The following CCDC7 variants were observed in gnomAD, a reference collection of about 807,000 sequenced individuals.
CCDC7 encodes the protein coiled-coil domain-containing protein 7.
In CCDC7, 183 loss-of-function variants were observed where a neutral mutation model predicts 196.9. The ratio of observed to expected loss-of-function variants is 0.93; its 90% CI spans 0.82 to 1.05. The LOEUF is 1.05. Ranked by LOEUF, CCDC7 falls within the 50% of genes least tolerant of loss-of-function variation. The probability of loss-of-function intolerance (pLI) is 0.00; values close to 1 mark genes in which losing one functional copy is unlikely to be tolerated. For missense variants in CCDC7, 1,540 were observed against 1,482.2 expected, an observed-to-expected ratio of 1.04 and a Z score of -0.64; for synonymous variants, 525 against 484.6, an observed-to-expected ratio of 1.08 and a Z score of -1.10.
At chr10:32,778,579 G>A (rs1052373630) in intron 28 of CCDC7, among the ~76,000 whole-genome samples, 13 of 152,136 alleles carry the variant, frequency 8.5e-5, no homozygotes, top group African/African-American at 2.9e-4. Context: ...TTTGGTTACT[G>A]TAGCCCTGTA....
At position 32,678,904 on chromosome 10, in the gene CCDC7, T is replaced by C. The variant is rs1439215594; in HGVS notation, c.2123-7066T>C. Among the ~76,000 whole-genome samples the C allele has an allele frequency of 2.6e-5, 4 of 152,202 alleles. No homozygotes were observed. In the East Asian group the frequency reaches 7.7e-4, roughly 29 times the overall value. On this transcript the variant is annotated intron_variant, in intron 21 of 41. Transcript: ENST00000639629. The stretch of plus-strand genomic sequence containing the variant: ...AGGTCTCATAAAGGTAATTTTATCC[T>C]TGTCTGGTTGTTAAGTCTTCATTTT...
At chr10:32,512,137 C>G (rs2046314757) in intron 9 of CCDC7, 2 of 178,456 alleles carry the variant, frequency 1.1e-5, no homozygotes, top group African/African-American at 4.8e-5. Context: ...AAATTGAGAT[C>G]TCAATTAGAT....
intron 28 of CCDC7, among the ~76,000 whole-genome samples, chr10:32,734,362 G>A (rs951975221): frequency 6.6e-6 from 1 of 152,166 alleles, no homozygotes; most frequent in Non-Finnish European, 1.5e-5. Flanking sequence ...AATACTGCAT[G>A]TTCTCACTTA....
intron 31 of CCDC7, among the ~76,000 whole-genome samples, chr10:32,821,720 C>G (rs1008352421): frequency 2.0e-5 from 3 of 151,870 alleles, no homozygotes; most frequent in Non-Finnish European, 2.9e-5. Context: ...GCCAAAAAAC[C>G]AAACACCACA....
At chr10:32,492,495 A>C (rs559018673) in intron 9 of CCDC7, among the ~76,000 whole-genome samples, 1 of 152,230 alleles carries the variant, frequency 6.6e-6, no homozygotes, top group South Asian at 2.1e-4. Context: ...CATATAATGA[A>C]ATTATTATTG....
At chr10:32,519,152 C>T (rs184617410) in intron 11 of CCDC7, among the ~76,000 whole-genome samples, 1 of 152,182 alleles carries the variant, frequency 6.6e-6, no homozygotes, top group East Asian at 1.9e-4. Context: ...TAGTCTTACA[C>T]AGGTGTCAAA....
chr10:32,790,319 G>A (rs1428963700), intron 29 of CCDC7, among the ~76,000 whole-genome samples: 2 of 152,168 alleles, frequency 1.3e-5, no homozygotes, highest in East Asian at 1.9e-4. Context: ...TGAAATCTAG[G>A]TGGAGGAAGA....
intron 13 of CCDC7, among the ~76,000 whole-genome samples, chr10:32,551,197 A>G (rs1015344871): frequency 5.9e-5 from 9 of 152,102 alleles, no homozygotes; most frequent in African/African-American, 2.2e-4. Flanking sequence ...AAAAGTGTTC[A>G]TAGTAGCCTT....
intron 28 of CCDC7, among the ~76,000 whole-genome samples, 174 bp downstream of exon 29, chr10:32,729,631 A>T (rs1450288874): frequency 1.3e-5 from 2 of 152,124 alleles, no homozygotes; most frequent in Non-Finnish European, 2.9e-5. Flanking sequence ...TGCATGTGTC[A>T]AATCTGCCAC....
At chr10:32,530,896 G>A (rs2049540188) in intron 11 of CCDC7, among the ~76,000 whole-genome samples, 2 of 151,990 alleles carry the variant, frequency 1.3e-5, no homozygotes, top group South Asian at 2.1e-4. Flanking sequence ...GCTTGGGTTT[G>A]TTATAGATGA....
chr10:32,594,573 C>A (rs2060121415), intron 18 of CCDC7, among the ~76,000 whole-genome samples: 1 of 152,200 alleles, frequency 6.6e-6, no homozygotes, highest in Non-Finnish European at 1.5e-5. Context: ...CTGGCCAGAA[C>A]TTCCAAAACT....
chr10:32,645,503 CTTTTTTTTTT>C (rs35170235), intron 20 of CCDC7, among the ~76,000 whole-genome samples: 10 of 65,144 alleles, frequency 1.5e-4, no homozygotes, highest in African/African-American at 4.8e-4. Flanking sequence ...GAGTCCATGT[CTTTTTTTTTT>C]TTTTTTTTTT....
At chr10:32,448,187 T>C (rs1448615392), upstream of CCDC7, among the ~76,000 whole-genome samples, 1 of 152,194 alleles carries the variant, frequency 6.6e-6, no homozygotes, top group Non-Finnish European at 1.5e-5. Flanking sequence ...TTCAGTGCTA[T>C]TAAGATATTT....
At chr10:32,704,065 C>T (rs1327074952) in intron 24 of CCDC7, among the ~76,000 whole-genome samples, 8 of 152,114 alleles carry the variant, frequency 5.3e-5, no homozygotes, top group African/African-American at 1.7e-4. Flanking sequence ...CGAGCAGCTG[C>T]GTTCCTTTGG....
intron 33 of CCDC7, among the ~76,000 whole-genome samples, chr10:32,843,872 T>C (rs1184512461): frequency 1.3e-5 from 2 of 151,986 alleles, no homozygotes; most frequent in Middle Eastern, 3.2e-3. Context: ...GAAAATATAT[T>C]CTTATGTGTC....
exon 38 of CCDC7, chr10:32,847,901 C>T (rs764703380): frequency 5.6e-6 from 9 of 1,603,156 alleles, no homozygotes; most frequent in East Asian, 2.2e-5. Context: ...AAAGACACAA[C>T]TAAGGACTCA....
Position 32,711,808 on chromosome 10 carries a change from C to T in CCDC7, c.2569+78C>T, listed in dbSNP as rs549676535. On this transcript the variant is annotated intron_variant, in intron 25 of 41. Coordinates refer to ENST00000639629, the Ensembl canonical transcript of CCDC7. ...AACTTTTTTCTTTGGTTCATACTTA[C>T]GTATTTGAGAACATATATTTTATTG... 42 of 693,072 alleles carry T rather than the reference C, an allele frequency of 6.1e-5. 2 individuals are homozygous for T. The highest frequency in any genetic ancestry group is 5.0e-4 in the African/African-American group (26 of 52,178). The allele number at this position is 693,072 out of a possible 1,614,324, so 42.9% of individuals were successfully genotyped here.
At chr10:32,578,826 C>T (rs1420752465) in intron 16 of CCDC7, among the ~76,000 whole-genome samples, 2 of 152,092 alleles carry the variant, frequency 1.3e-5, no homozygotes, top group African/African-American at 4.8e-5. Flanking sequence ...CTTTTTGATG[C>T]TGTCCAGATG....
At chr10:32,815,765 G>A (rs181218287) in intron 31 of CCDC7, among the ~76,000 whole-genome samples, 46 of 152,294 alleles carry the variant, frequency 3.0e-4, no homozygotes, top group African/African-American at 7.9e-4. Context: ...AATTCATCCC[G>A]TAGAAGAGAA....
Sources: allele counts gnomAD v4.1 joint callset (sites outside exome capture counted in the v4.1 genomes callset), GRCh38; gene constraint gnomAD v4.1.1; transcripts MANE v1.5; gene names NCBI Gene and HGNC (gene_info 2026-07-23, HGNC 2026-07-21).